MTCH2: variants seen among roughly 807,000 people sequenced by gnomAD.
MTCH2 encodes mitochondrial carrier homolog 2.
In MTCH2, 25 loss-of-function variants were observed where a neutral mutation model predicts 50.6. The observed-to-expected ratio is 0.49, with a 90% confidence interval of 0.36 to 0.69. The LOEUF (loss-of-function observed/expected upper bound fraction) is 0.69, where lower values mean the gene tolerates loss of function less well. Ranked by LOEUF, MTCH2 falls within the 30% of genes least tolerant of loss-of-function variation. The probability of loss-of-function intolerance (pLI) is 0.00; values close to 1 mark genes in which losing one functional copy is unlikely to be tolerated. For synonymous variants in MTCH2, 106 were observed against 132.0 expected, an observed-to-expected ratio of 0.80 and a Z score of 1.35; for missense variants, 273 against 384.4, an observed-to-expected ratio of 0.71 and a Z score of 2.42.
downstream of MTCH2, among the ~76,000 whole-genome samples, chr11:47,615,031 CTTTTTTTTTTTTTTT>C (rs61122824): frequency 2.0e-4 from 9 of 44,880 alleles, no homozygotes; most frequent in Admixed American, 1.1e-3. Flanking sequence ...CCCAGTGAGG[CTTTTTTTTTTTTTTT>C]TTTTTTTTTT....
chr11:47,626,528 C>CA (rs1356773815), intron 10 of MTCH2, among the ~76,000 whole-genome samples: 1 of 152,096 alleles, frequency 6.6e-6, no homozygotes, highest in African/African-American at 2.4e-5. Flanking sequence ...TAAGCAGTAC[C>CA]AAACCATGCA....
intron 12 of MTCH2, 50 bp downstream of exon 12, chr11:47,622,650 TA>T: frequency 7.3e-7 from 1 of 1,378,018 alleles, no homozygotes; most frequent in Non-Finnish European, 9.9e-7. Context: ...AGAAAACAAA[TA>T]AATAAAAATA....
rs766147063 is a variant in MTCH2, at chr11:47,618,503, C to T, written c.*330G>A. The T allele has an allele frequency of 3.7e-6, 1 of 267,156 alleles. No individual in the cohort carries two copies. The highest frequency in any genetic ancestry group is 2.3e-5 in the African/African-American group (1 of 43,574). The allele number at this position is 267,156 out of a possible 1,614,324, so 16.5% of individuals were successfully genotyped here. A position where few individuals can be genotyped will look rare whatever the true frequency, so the allele number is the denominator to read the frequency against. On this transcript the variant is annotated 3_prime_UTR_variant, in exon 13 of 13. Transcript: ENST00000302503. Reference sequence around the variant, plus strand: ...TCATTTTTCTTGGAATTCTACTCTTCATTTTACAAAGCCTTAAATTGAGAC... The same window carrying T: ...TCATTTTTCTTGGAATTCTACTCTTTATTTTACAAAGCCTTAAATTGAGAC...
chr11:47,633,439 A>G (rs2097305184), intron 5 of MTCH2, among the ~76,000 whole-genome samples: 1 of 144,476 alleles, frequency 6.9e-6, no homozygotes, highest in South Asian at 2.2e-4. Flanking sequence ...AACTAATTTC[A>G]TGAAAATTTA....
intron 11 of MTCH2, among the ~76,000 whole-genome samples, chr11:47,623,393 AAAAAG>A (rs1480984763): frequency 2.0e-5 from 3 of 151,316 alleles, no homozygotes; most frequent in African/African-American, 4.9e-5. Flanking sequence ...AAAAAAAAAA[AAAAAG>A]AGCAGGGAAA....
the MTCH2 span, among the ~76,000 whole-genome samples, chr11:47,611,606 A>G: frequency 6.6e-6 from 1 of 152,216 alleles, no homozygotes; most frequent in South Asian, 2.1e-4. Flanking sequence ...TCCACGTGTC[A>G]TCTTGGAGAC....
intron 8 of MTCH2, among the ~76,000 whole-genome samples, chr11:47,629,613 G>A (rs2097301165): frequency 1.3e-5 from 2 of 152,198 alleles, no homozygotes; most frequent in South Asian, 2.1e-4. Flanking sequence ...ACTCAGCAGC[G>A]ATGTGACAGG....
the MTCH2 span, among the ~76,000 whole-genome samples, chr11:47,608,275 A>AATC: frequency 6.6e-6 from 1 of 152,214 alleles, no homozygotes; most frequent in African/African-American, 2.4e-5. Context: ...GACTATGCTG[A>AATC]ATCTATATAA....
Position 47,639,018 on chromosome 11 carries a change from G to T in MTCH2, c.121C>A (p.Arg41=), listed in dbSNP as rs1296616933. ...GYEPLPPTIG[R]NIFGRQVCQL... Reference sequence around the variant, plus strand: ...CACACTTGCCGCCCAAAAATATTTCGTCCTATTGTTGGAGGAAGAGGCTCA... The same window carrying T: ...CACACTTGCCGCCCAAAAATATTTCTTCCTATTGTTGGAGGAAGAGGCTCA... The change falls in exon 2 of 13, where the codon CGA becomes AGA. Residue 41 remains arginine (R), a synonymous_variant. Transcript: ENST00000302503. 1 of 1,613,490 alleles carries T rather than the reference G, an allele frequency of 6.2e-7. No homozygotes were observed. The highest frequency in any genetic ancestry group is 8.5e-7 in the Non-Finnish European group (1 of 1,179,734).
downstream of MTCH2, among the ~76,000 whole-genome samples, chr11:47,615,285 A>C (rs1323592795): frequency 6.6e-6 from 1 of 152,128 alleles, no homozygotes; most frequent in Non-Finnish European, 1.5e-5. Flanking sequence ...TAAAGGACTA[A>C]ATATATATTT....
chr11:47,625,627 A>C, intron 11 of MTCH2, 47 bp downstream of exon 11: 1 of 1,140,408 alleles, frequency 8.8e-7, no homozygotes, highest in Non-Finnish European at 1.2e-6. Context: ...TCCGCCTGTC[A>C]GCATACAGTC....
chr11:47,615,140 C>A (rs2097287638), downstream of MTCH2, among the ~76,000 whole-genome samples: 1 of 143,692 alleles, frequency 7.0e-6, no homozygotes. Context: ...AGGACTCAAC[C>A]AGTCGTCCCA....
At chr11:47,621,336 A>C (rs749605307) in intron 12 of MTCH2, among the ~76,000 whole-genome samples, 9 of 152,198 alleles carry the variant, frequency 5.9e-5, no homozygotes, top group Non-Finnish European at 1.3e-4. Context: ...ATCTTTTAAG[A>C]AGTGGACCCC....
rs373329677 is a variant in MTCH2 at position 47,621,566 on chromosome 11, G to C, written c.825+1135C>G. On this transcript the variant is annotated intron_variant, in intron 12 of 12. Transcript: ENST00000302503. Reference sequence around the variant, plus strand: ...TCTTCCCTCAGCCTCCCCAGTAGCTGGGACTACAGGCACACGCTGCTACGC... The same window carrying C: ...TCTTCCCTCAGCCTCCCCAGTAGCTCGGACTACAGGCACACGCTGCTACGC... 5.3e-5 allele frequency among the ~76,000 whole-genome samples: 8 copies of C among 152,080 alleles called. 1 individual carries two copies. The highest frequency in any genetic ancestry group is 2.1e-4 in the South Asian group (1 of 4,818).
At chr11:47,638,666 T>A in intron 3 of MTCH2, 33 bp downstream of exon 3, 6 of 1,522,488 alleles carry the variant, frequency 3.9e-6, no homozygotes, top group Non-Finnish European at 5.4e-6. Context: ...GTAAGCAACA[T>A]CTATGGGAAG....
At chr11:47,620,273 A>C (rs746661446) in intron 12 of MTCH2, among the ~76,000 whole-genome samples, 1 of 152,066 alleles carries the variant, frequency 6.6e-6, no homozygotes, top group Non-Finnish European at 1.5e-5. Flanking sequence ...ACTTAAAAGT[A>C]TAATAATAAT....
chr11:47,626,408 A>G (rs1354802329), intron 10 of MTCH2, among the ~76,000 whole-genome samples: 1 of 149,526 alleles, frequency 6.7e-6, no homozygotes, highest in East Asian at 2.0e-4. Flanking sequence ...TCTTGGCCTC[A>G]AGTGATCCTC....
downstream of MTCH2, among the ~76,000 whole-genome samples, chr11:47,616,384 A>T (rs949019595): frequency 6.6e-6 from 1 of 151,662 alleles, no homozygotes; most frequent in Non-Finnish European, 1.5e-5. Context: ...TAAGAGACAG[A>T]GTCTCACTCT....
the MTCH2 span, among the ~76,000 whole-genome samples, chr11:47,606,610 G>A: frequency 1.5e-4 from 23 of 152,186 alleles, no homozygotes; most frequent in Non-Finnish European, 3.4e-4. Flanking sequence ...TTGCCATCTT[G>A]TCTCTAAACT....
Sources: gnomAD v4.1 joint callset for allele counts (sites outside exome capture counted in the v4.1 genomes callset) on GRCh38, gnomAD v4.1.1 for gene constraint, MANE v1.5 for transcripts, NCBI Gene and HGNC (gene_info 2026-07-23, HGNC 2026-07-21) for gene names.